The following EPM2A variants were observed in gnomAD, a reference collection of about 807,000 sequenced individuals.
EPM2A encodes the protein EPM2A glucan phosphatase, laforin, also known as laforin.
In EPM2A, 21 loss-of-function variants were observed where a neutral mutation model predicts 26.5. The observed-to-expected ratio is 0.79, with a 90% CI of 0.56 to 1.14. The LOEUF (loss-of-function observed/expected upper bound fraction) is 1.14, where lower values mean the gene tolerates loss of function less well. Among genes scored for constraint, EPM2A ranks in the 50% most tolerant of loss-of-function variants. The pLI, the probability that EPM2A is intolerant of heterozygous loss-of-function variation, is 0.00. For missense variants in EPM2A, 458 were observed against 440.8 expected, an observed-to-expected ratio of 1.04 and a Z score of -0.35; for synonymous variants, 217 against 177.6, an observed-to-expected ratio of 1.22 and a Z score of -1.76.
At chr6:145,652,190 C>G (rs1451071535) in intron 2 of EPM2A, among the ~76,000 whole-genome samples, 1 of 152,180 alleles carries the variant, frequency 6.6e-6, no homozygotes. Context: ...GGTTTCACTG[C>G]ATTCTTAAGT....
intron 4 of EPM2A, among the ~76,000 whole-genome samples, chr6:145,449,436 T>C (rs969354631): frequency 3.9e-5 from 6 of 152,340 alleles, no homozygotes; most frequent in African/African-American, 1.4e-4. Flanking sequence ...ATCCGTCAAC[T>C]TGTTCTAATT....
chr6:145,516,621 T>C (rs1218536601), intron 2 of EPM2A, among the ~76,000 whole-genome samples: 1 of 152,032 alleles, frequency 6.6e-6, no homozygotes, highest in African/African-American at 2.4e-5. Context: ...CACCTGAACA[T>C]AGAAAAATAT....
rs139785087 is a variant in EPM2A at position 145,475,252 on chromosome 6, G to A, written c.555+27270C>T. The stretch of plus-strand genomic sequence containing the variant: ...CAATGATAGACTAGATAAAGAAAAT[G>A]TGGCACATATACACCATGGAATACT... On this transcript the variant is annotated intron_variant, in intron 4 of 4. Coordinates refer to the EPM2A transcript ENST00000638717. Among the ~76,000 whole-genome samples, 387 of 152,290 alleles carry A rather than the reference G, an allele frequency of 2.5e-3. 5 individuals are homozygous for A. The highest frequency in any genetic ancestry group is 9.1e-3 in the African/African-American group (377 of 41,562).
chr6:145,473,532 G>A (rs1456808484), intron 4 of EPM2A, among the ~76,000 whole-genome samples: 2 of 152,008 alleles, frequency 1.3e-5, no homozygotes, highest in Admixed American at 1.3e-4. Flanking sequence ...CCCAAACTGA[G>A]AGAAAAATAT....
chr6:145,432,561 T>C (rs1426199502), intron 4 of EPM2A, among the ~76,000 whole-genome samples: 3 of 151,870 alleles, frequency 2.0e-5, no homozygotes, highest in African/African-American at 7.3e-5. Context: ...TAAACCATGC[T>C]GTAAAGAGAT....
At chr6:145,402,716 G>A (rs1034807281) in intron 4 of EPM2A, among the ~76,000 whole-genome samples, 17 of 152,108 alleles carry the variant, frequency 1.1e-4, no homozygotes, top group Non-Finnish European at 1.2e-4. Context: ...ACAGGCAAAC[G>A]GATTAACATT....
intron 2 of EPM2A, among the ~76,000 whole-genome samples, chr6:145,614,167 C>T (rs1030567081): frequency 2.6e-5 from 4 of 152,338 alleles, no homozygotes; most frequent in Non-Finnish European, 4.4e-5. Context: ...TTTATGGAGA[C>T]AACTTATTTC....
chr6:145,561,224 T>A (rs1780800412), intron 2 of EPM2A, among the ~76,000 whole-genome samples: 1 of 151,800 alleles, frequency 6.6e-6, no homozygotes, highest in South Asian at 2.1e-4. Flanking sequence ...AAATTGCCTG[T>A]GGTTACATGT....
At chr6:145,668,584 C>A (rs775301711) in intron 2 of EPM2A, among the ~76,000 whole-genome samples, 7 of 152,004 alleles carry the variant, frequency 4.6e-5, no homozygotes, top group Non-Finnish European at 7.4e-5. Context: ...AAAGTAGAGA[C>A]CCTGTCTTGT....
chr6:145,535,255 T>C (rs1443074129), intron 2 of EPM2A, among the ~76,000 whole-genome samples: 1 of 152,174 alleles, frequency 6.6e-6, no homozygotes, highest in Admixed American at 6.5e-5. Flanking sequence ...ATGGACAAAC[T>C]AAAAGTTGCT....
chr6:145,604,898 T>C (rs1781461986), intron 2 of EPM2A, among the ~76,000 whole-genome samples: 1 of 152,124 alleles, frequency 6.6e-6, no homozygotes, highest in African/African-American at 2.4e-5. Context: ...ATTTCCCTTT[T>C]CAAACAATTG....
intron 4 of EPM2A, among the ~76,000 whole-genome samples, chr6:145,471,665 C>A (rs1334710094): frequency 1.3e-5 from 2 of 152,142 alleles, no homozygotes; most frequent in East Asian, 3.9e-4. Flanking sequence ...GAAAACCAGA[C>A]AAAGTGAGCT....
intron 3 of EPM2A, chr6:145,631,859 TCTCTCTCTCTCTCA>T (rs1312739947): frequency 8.5e-6 from 1 of 117,394 alleles, no homozygotes; most frequent in African/African-American, 3.2e-5. Flanking sequence ...TCTCTCTCTC[TCTCTCTCTCTCTCA>T]CACACACACA....
At chr6:145,454,045 C>T (rs747978057) in intron 4 of EPM2A, among the ~76,000 whole-genome samples, 5 of 152,162 alleles carry the variant, frequency 3.3e-5, no homozygotes, top group Non-Finnish European at 5.9e-5. Flanking sequence ...CTGTTCTTGA[C>T]ACTTTTGTTG....
intron 4 of EPM2A, among the ~76,000 whole-genome samples, chr6:145,494,574 G>T (rs188675442): frequency 6.6e-6 from 1 of 152,122 alleles, no homozygotes; most frequent in African/African-American, 2.4e-5. Context: ...TAGTTGGGAC[G>T]TTAGGTTGTT....
Position 145,687,768 on chromosome 6 carries a change from G to T in EPM2A, c.302-1472C>A, listed in dbSNP as rs145418269. ...ATATAACTCCTTCCATCAGACAGAA[G>T]GTACAGGATGACTCTCTTAATAAAC... On this transcript the variant is annotated intron_variant, in intron 1 of 3. Transcript: ENST00000367519. Among the ~76,000 whole-genome samples, 412 of 152,172 alleles carry T rather than the reference G, an allele frequency of 2.7e-3. 5 individuals are homozygous for T. Among genetic ancestry groups the T allele is most frequent in the African/African-American group, 9.5e-3 (393 of 41,524 alleles).
chr6:145,467,364 G>A (rs1198195809), intron 4 of EPM2A, among the ~76,000 whole-genome samples: 4 of 152,014 alleles, frequency 2.6e-5, no homozygotes, highest in South Asian at 2.1e-4. Flanking sequence ...TTTCACCACA[G>A]GGTAACATAT....
intron 4 of EPM2A, among the ~76,000 whole-genome samples, chr6:145,392,818 C>T (rs1430077565): frequency 6.6e-6 from 1 of 152,092 alleles, no homozygotes; most frequent in African/African-American, 2.4e-5. Context: ...GGGTTTGGCA[C>T]ATCCTAAAAC....
In EPM2A at chr6:145,656,466, T is replaced by A. The variant is rs573527425; in HGVS notation, c.477-20980A>T. On this transcript the variant is annotated intron_variant, in intron 2 of 3. Transcript: ENST00000367519. ...TGGGCCCTGAAACTAACATATAGTC[T>A]TTCTATGGGAAAATTAACATGCATC... Among the ~76,000 whole-genome samples, 18 of 152,342 alleles carry A rather than the reference T, an allele frequency of 1.2e-4. No individual in the cohort carries two copies. The South Asian group carries it at 3.3e-3, about 28-fold the overall frequency.
Sources: gnomAD v4.1 joint callset for allele counts (sites outside exome capture counted in the v4.1 genomes callset) on GRCh38, gnomAD v4.1.1 for gene constraint, MANE v1.5 for transcripts, NCBI Gene and HGNC (gene_info 2026-07-23, HGNC 2026-07-21) for gene names.